PCDHA3: variants seen among roughly 807,000 people sequenced by gnomAD.
The protein encoded by PCDHA3 is protocadherin alpha-3.
A neutral mutation model predicts 62.2 loss-of-function variants in PCDHA3; 41 were observed. That is an observed-to-expected ratio of 0.66 (90% confidence interval 0.51 to 0.86). The LOEUF (loss-of-function observed/expected upper bound fraction) is 0.86. PCDHA3 is among the 40% of genes least tolerant of loss of function. The pLI is 0.00. For synonymous variants in PCDHA3, 640 were observed against 555.4 expected (o/e 1.15, Z -2.14); for missense variants, 1,304 against 1,241.2 (o/e 1.05, Z -0.76).
intron 1 of PCDHA3, chr5:140,843,699 T>C: frequency 6.3e-7 from 1 of 1,582,804 alleles, no homozygotes; most frequent in Non-Finnish European, 8.7e-7. Flanking sequence ...GATTTAAATG[T>C]TGATCATGGC....
chr5:140,851,135 A>G (rs782166459), intron 1 of PCDHA3: 3 of 1,314,088 alleles, frequency 2.3e-6, no homozygotes, highest in Admixed American at 2.9e-5. Flanking sequence ...ATTTGTGATT[A>G]AAGTGACATT....
chr5:140,958,911 G>C (rs1458386566), intron 1 of PCDHA3, among the ~76,000 whole-genome samples: 3 of 151,406 alleles, frequency 2.0e-5, no homozygotes, highest in African/African-American at 7.3e-5. Flanking sequence ...AGAAAAGTCT[G>C]CCTGGGTGTG....
chr5:140,877,389 G>T, intron 1 of PCDHA3: 1 of 1,613,994 alleles, frequency 6.2e-7, no homozygotes, highest in Non-Finnish European at 8.5e-7. Context: ...TCCTGGATGA[G>T]GCGGACGCTC....
At position 140,837,735 on chromosome 5, in the gene PCDHA3, G is replaced by C. The variant is rs1268467335; in HGVS notation, c.2394+34144G>C. On this transcript the variant is annotated intron_variant, in intron 1 of 3. Coordinates refer to ENST00000522353, the MANE Select transcript of PCDHA3 (RefSeq NM_018906.3). ...ATCACCCAGGCTGCTGAAATGCAGT[G>C]GTGGGATTATAGCCCACTGCAACCT... 1.3e-5 allele frequency among the ~76,000 whole-genome samples: 2 copies of C among 151,294 alleles called. 1 individual carries two copies. The highest frequency in any genetic ancestry group is 3.9e-4 in the East Asian group (2 of 5,172).
chr5:140,863,748 C>G (rs1221413981), intron 1 of PCDHA3: 1 of 241,166 alleles, frequency 4.1e-6, no homozygotes, highest in Non-Finnish European at 8.2e-6. Flanking sequence ...TTTGTAATCC[C>G]GGCACTTTGG....
chr5:140,978,427 GTTGCT>G (rs2096802128), intron 1 of PCDHA3, among the ~76,000 whole-genome samples: 1 of 152,196 alleles, frequency 6.6e-6, no homozygotes, highest in Non-Finnish European at 1.5e-5. Context: ...ACTGTTATCA[GTTGCT>G]GGTGTTATGA....
At chr5:140,817,776 G>A (rs1184361600) in intron 1 of PCDHA3, among the ~76,000 whole-genome samples, 1 of 152,060 alleles carries the variant, frequency 6.6e-6, no homozygotes, top group African/African-American at 2.4e-5. Context: ...ATTTCCTTTA[G>A]TGTGGCCTGC....
intron 1 of PCDHA3, chr5:140,884,640 A>G: frequency 6.2e-7 from 1 of 1,610,250 alleles, no homozygotes; most frequent in East Asian, 2.2e-5. Context: ...CAGAGGGAGG[A>G]GGACTCAGAA....
Position 140,927,154 on chromosome 5 carries a change from A to C in PCDHA3, c.2395-51795A>C, listed in dbSNP as rs141284501. 8 of 1,614,050 alleles carry C rather than the reference A, an allele frequency of 5.0e-6. No individual in the cohort carries two copies. The African/African-American group carries it at 8.0e-5, about 16-fold the overall frequency. On this transcript the variant is annotated intron_variant, in intron 1 of 3. Transcript: ENST00000522353. ...GCCGGCGGACCGCGAACAGCTGTGC[A>C]GGGCCAAAGCTGCCTGCGTCTTGAC...
chr5:140,922,560 G>A (rs2080886484), intron 1 of PCDHA3, among the ~76,000 whole-genome samples: 4 of 152,146 alleles, frequency 2.6e-5, no homozygotes, highest in Admixed American at 2.6e-4. Flanking sequence ...GAAAAGTCAG[G>A]ATGACAAGTT....
intron 1 of PCDHA3, chr5:140,877,674 G>A: frequency 1.9e-6 from 3 of 1,613,628 alleles, no homozygotes; most frequent in South Asian, 1.1e-5. Flanking sequence ...GGTGCGCGCC[G>A]GGCAAGCCCA....
chr5:140,967,786 G>A, intron 1 of PCDHA3: 1 of 1,614,216 alleles, frequency 6.2e-7, no homozygotes, highest in East Asian at 2.2e-5. Context: ...CGACTGACCG[G>A]GGTCCAGTGC....
intron 1 of PCDHA3, chr5:140,860,225 A>ATATATAT (rs2046281831): frequency 6.6e-6 from 1 of 151,528 alleles, no homozygotes. Context: ...ATGTATATAT[A>ATATATAT]AGCCAGGCAT....
chr5:140,872,429 C>T (rs2053657736), intron 1 of PCDHA3, among the ~76,000 whole-genome samples: 1 of 152,028 alleles, frequency 6.6e-6, no homozygotes, highest in Non-Finnish European at 1.5e-5. Flanking sequence ...GAGTTCGAGG[C>T]CTGCCTGGAC....
At chr5:140,883,355 A>C (rs763058953) in intron 1 of PCDHA3, 36 of 1,613,958 alleles carry the variant, frequency 2.2e-5, no homozygotes, top group Non-Finnish European at 3.0e-5. Context: ...CAGAGAAGAC[A>C]CTCAGCCTAG....
chr5:140,819,612 G>A (rs1352238283), intron 1 of PCDHA3, among the ~76,000 whole-genome samples: 1 of 152,056 alleles, frequency 6.6e-6, no homozygotes, highest in Non-Finnish European at 1.5e-5. Flanking sequence ...AGTCTCCCAT[G>A]AAATTCAGAT....
At position 140,808,102 on chromosome 5, in the gene PCDHA3, G is replaced by A. The variant is rs148933348; in HGVS notation, c.2394+4511G>A. On this transcript the variant is annotated intron_variant, in intron 1 of 3. Transcript: ENST00000522353. ...CAATTACTGGACAAATTATTGTAAA[G>A]GGATATATTGACTTTGAAGAAAGCA... 195 of 1,613,972 alleles carry A rather than the reference G, an allele frequency of 1.2e-4. No homozygotes were observed. In the African/African-American group the frequency reaches 2.5e-3, roughly 20 times the overall value.
intron 1 of PCDHA3, among the ~76,000 whole-genome samples, chr5:140,845,321 T>A (rs1395146345): frequency 6.7e-6 from 1 of 149,684 alleles, no homozygotes; most frequent in Non-Finnish European, 1.5e-5. Context: ...AGGTATTACT[T>A]TAATTACTGA....
chr5:140,953,074 C>T (rs929530454), intron 1 of PCDHA3, among the ~76,000 whole-genome samples: 1 of 152,204 alleles, frequency 6.6e-6, no homozygotes, highest in Non-Finnish European at 1.5e-5. Flanking sequence ...CCATCTCCAA[C>T]ATTGGGGATT....
Sources: gnomAD v4.1 joint callset for allele counts (sites outside exome capture counted in the v4.1 genomes callset) on GRCh38, gnomAD v4.1.1 for gene constraint, MANE v1.5 for transcripts, NCBI Gene and HGNC (gene_info 2026-07-23, HGNC 2026-07-21) for gene names.